Variants in MTCL3 observed in about 807,000 individuals in gnomAD.
The protein encoded by MTCL3 is MTCL family member 3, also known as microtubule cross-linking factor 3.
At chr6:127,482,223 C>G in the MTCL3 span, among the ~76,000 whole-genome samples, 1 of 152,136 alleles carries the variant, frequency 6.6e-6, no homozygotes, top group Non-Finnish European at 1.5e-5. The surrounding 1 kb of genome is among the most constrained non-coding windows in gnomAD (Gnocchi z 4.1). Context: ...GCACGAGATC[C>G]GAGAACCCTC....
the MTCL3 span, chr6:127,481,421 T>C: frequency 2.0e-6 from 2 of 985,380 alleles, no homozygotes; most frequent in Non-Finnish European, 2.4e-6. Context: ...GTCTTGGCTG[T>C]GAGACTCTCT....
At chr6:127,490,933 G>A in the MTCL3 span, among the ~76,000 whole-genome samples, 1 of 152,214 alleles carries the variant, frequency 6.6e-6, no homozygotes, top group Non-Finnish European at 1.5e-5. Flanking sequence ...TCAGGGATGA[G>A]TTGAGGGGTT....
the MTCL3 span, chr6:127,481,607 T>C: frequency 2.5e-6 from 1 of 403,084 alleles, no homozygotes; most frequent in Non-Finnish European, 3.4e-6. Context: ...AAAATCACTT[T>C]AGTTAAATTA....
the MTCL3 span, among the ~76,000 whole-genome samples, chr6:127,482,730 T>C: frequency 0.023 from 3,525 of 152,344 alleles, 157 homozygotes; most frequent in African/African-American, 0.081. This position sits in a 1 kb window ranked among gnomAD's most constrained non-coding sequence, Gnocchi z 4.1. Flanking sequence ...GATGTTATGG[T>C]TGGCTTTATA....
chr6:127,476,844 T>G, the MTCL3 span, among the ~76,000 whole-genome samples: 96 of 152,378 alleles, frequency 6.3e-4, 1 homozygote, highest in East Asian at 0.017. This position sits in a 1 kb window ranked among gnomAD's most constrained non-coding sequence, Gnocchi z 4.4. Context: ...GTGGTTCATA[T>G]GCATTTGCGG....
chr6:127,505,519 G>C, the MTCL3 span, among the ~76,000 whole-genome samples: 16 of 152,242 alleles, frequency 1.1e-4, no homozygotes, highest in African/African-American at 3.6e-4. Flanking sequence ...GTTTTTCAGA[G>C]GATGGAGCGT....
the MTCL3 span, chr6:127,515,025 G>A: frequency 6.2e-6 from 10 of 1,614,050 alleles, no homozygotes; most frequent in South Asian, 6.6e-5. The surrounding 1 kb of genome is among the most constrained non-coding windows in gnomAD (Gnocchi z 4.3). Flanking sequence ...GTCCATCTCG[G>A]TTCTCAGCTC....
At chr6:127,501,822 C>T in the MTCL3 span, among the ~76,000 whole-genome samples, 1 of 152,194 alleles carries the variant, frequency 6.6e-6, no homozygotes, top group South Asian at 2.1e-4. Context: ...TTTAACTGAT[C>T]CTGAAATGTA....
At chr6:127,476,565 G>C in the MTCL3 span, 1 of 994,504 alleles carries the variant, frequency 1.0e-6, no homozygotes, top group East Asian at 2.5e-5. This position sits in a 1 kb window ranked among gnomAD's most constrained non-coding sequence, Gnocchi z 4.4. Flanking sequence ...AATTTTTCTT[G>C]CAATCCAGAT....
chr6:127,477,976 A>G, the MTCL3 span, among the ~76,000 whole-genome samples: 1 of 152,174 alleles, frequency 6.6e-6, no homozygotes, highest in Admixed American at 6.5e-5. Context: ...AAATAGAGCA[A>G]TGTGGTAAAA....
At chr6:127,499,590 A>G in the MTCL3 span, among the ~76,000 whole-genome samples, 1 of 152,222 alleles carries the variant, frequency 6.6e-6, no homozygotes, top group Admixed American at 6.5e-5. Flanking sequence ...TTTCAGAGTA[A>G]AAGGTCTGTA....
At chr6:127,487,967 A>C in the MTCL3 span, among the ~76,000 whole-genome samples, 1 of 152,180 alleles carries the variant, frequency 6.6e-6, no homozygotes, top group Non-Finnish European at 1.5e-5. Context: ...TCCCAGAGTG[A>C]CTAGAATGTG....
the MTCL3 span, among the ~76,000 whole-genome samples, chr6:127,496,187 A>G: frequency 6.6e-6 from 1 of 152,220 alleles, no homozygotes; most frequent in Non-Finnish European, 1.5e-5. Flanking sequence ...TCAAAGATGA[A>G]CCAGACTTAT....
the MTCL3 span, among the ~76,000 whole-genome samples, chr6:127,499,684 C>A: frequency 6.6e-6 from 1 of 152,234 alleles, no homozygotes; most frequent in African/African-American, 2.4e-5. Context: ...CTTTAGCTAC[C>A]CAGATTCATG....
At chr6:127,515,587 G>A in the MTCL3 span, 12 of 1,434,322 alleles carry the variant, frequency 8.4e-6, no homozygotes, top group African/African-American at 1.5e-5. This position sits in a 1 kb window ranked among gnomAD's most constrained non-coding sequence, Gnocchi z 4.3. Flanking sequence ...GAGCTGCTGC[G>A]GGTGCGGCTG....
the MTCL3 span, among the ~76,000 whole-genome samples, chr6:127,507,842 CAAAAAAAAAAAAAAA>C: frequency 3.7e-5 from 3 of 82,088 alleles, no homozygotes; most frequent in East Asian, 3.5e-4. Context: ...GACTATGTCT[CAAAAAAAAAAAAAAA>C]AAAAAAAAAA....
chr6:127,517,061 C>CAT, the MTCL3 span, among the ~76,000 whole-genome samples: 1 of 152,130 alleles, frequency 6.6e-6, no homozygotes, highest in African/African-American at 2.4e-5. Flanking sequence ...AAAAGATATC[C>CAT]ATATATTAGA....
chr6:127,490,260 G>A, the MTCL3 span, among the ~76,000 whole-genome samples: 1 of 152,142 alleles, frequency 6.6e-6, no homozygotes, highest in Non-Finnish European at 1.5e-5. Flanking sequence ...CCTTTCAAAA[G>A]ATTACTGCTC....
the MTCL3 span, among the ~76,000 whole-genome samples, chr6:127,514,034 A>G: frequency 6.6e-6 from 1 of 152,262 alleles, no homozygotes; most frequent in African/African-American, 2.4e-5. Flanking sequence ...AATGAAGTTA[A>G]TGCAATGAAC....
Sources: allele counts gnomAD v4.1 joint callset (sites outside exome capture counted in the v4.1 genomes callset), GRCh38; gene constraint gnomAD v4.1.1; non-coding constraint Gnocchi (gnomAD v3.1); transcripts MANE v1.5; gene names NCBI Gene and HGNC (gene_info 2026-07-23, HGNC 2026-07-21).